Variants in G2E3 observed in about 807,000 individuals in gnomAD.
G2E3 encodes G2/M-phase specific E3 ubiquitin protein ligase, also known as G2/M phase-specific E3 ubiquitin-protein ligase.
In G2E3, 35 loss-of-function variants were observed where a neutral mutation model predicts 92.8. The observed-to-expected ratio is 0.38, with a 90% CI of 0.29 to 0.50. The LOEUF is 0.50. Ranked by LOEUF, G2E3 falls within the 20% of genes least tolerant of loss-of-function variation. The pLI is 0.94. For missense variants in G2E3, 554 were observed against 823.8 expected (o/e 0.67, Z 4.01); for synonymous variants, 242 against 272.4 (o/e 0.89, Z 1.10).
At chr14:30,591,527 G>T (rs1305133224) in intron 4 of G2E3, among the ~76,000 whole-genome samples, 5 of 152,116 alleles carry the variant, frequency 3.3e-5, no homozygotes, top group South Asian at 2.1e-4. Flanking sequence ...CCTTCTAGAG[G>T]CACTAAGGGA....
chr14:30,586,858 A>AAAGAAGAT (rs1880739393), intron 3 of G2E3, 43 bp downstream of exon 3: 1 of 640,936 alleles, frequency 1.6e-6, no homozygotes, highest in Non-Finnish European at 2.6e-6. Context: ...TTGGTGTTCT[A>AAAGAAGAT]AAGAAGATAG....
Position 30,559,197 on chromosome 14 carries a change from G to T in G2E3, c.-80G>T, listed in dbSNP as rs540289635. The T allele has an allele frequency of 6.6e-6, 1 of 152,556 alleles. No individual in the cohort carries two copies. Among genetic ancestry groups the T allele is most frequent in the African/African-American group, 2.4e-5 (1 of 41,614 alleles). The allele number at this position is 152,556 out of a possible 1,614,324, so 9.5% of individuals were successfully genotyped here. A position where few individuals can be genotyped will look rare whatever the true frequency, so the allele number is the denominator to read the frequency against. On this transcript the variant is annotated 5_prime_UTR_variant, in exon 1 of 15. Transcript: ENST00000206595. ...TGGGCCGTTGAATGTGGCTGCTCGC[G>T]GTCGGCGTGCCCCGACGTACAGCGG...
chr14:30,588,171 AAAG>A (rs1880815338), intron 3 of G2E3, among the ~76,000 whole-genome samples: 1 of 151,436 alleles, frequency 6.6e-6, no homozygotes, highest in Non-Finnish European at 1.5e-5. Flanking sequence ...TTTGCAGTAA[AAAG>A]AAAATCTTTC....
At position 30,583,722 on chromosome 14, in the gene G2E3, C is replaced by T. The variant is rs748706647; in HGVS notation, c.37+2606C>T. On this transcript the variant is annotated intron_variant, in intron 2 of 14. Coordinates refer to ENST00000206595, the MANE Select transcript of G2E3 (RefSeq NM_017769.5). ...TGATAATTAGCTCCATTTAGCTGTTCCACAATATGTACATATATCAAAACA... is the reference window on the plus strand; with the variant it reads ...TGATAATTAGCTCCATTTAGCTGTTTCACAATATGTACATATATCAAAACA... Among the ~76,000 whole-genome samples, 96 of 152,188 alleles carry T rather than the reference C, an allele frequency of 6.3e-4. 2 individuals carry two copies. Among genetic ancestry groups the T allele is most frequent in the South Asian group, 6.2e-4 (3 of 4,826 alleles).
At chr14:30,606,732 T>A (rs1031229730) in intron 11 of G2E3, among the ~76,000 whole-genome samples, 3 of 152,134 alleles carry the variant, frequency 2.0e-5, no homozygotes, top group African/African-American at 7.2e-5. Context: ...GCTTGTAAGG[T>A]TATTACACAG....
intron 1 of G2E3, among the ~76,000 whole-genome samples, chr14:30,568,576 T>C (rs778484851): frequency 3.3e-5 from 5 of 152,152 alleles, no homozygotes; most frequent in Non-Finnish European, 7.4e-5. Context: ...GTTATATTCT[T>C]AGTGGCTATC....
chr14:30,577,061 C>G (rs141973775), intron 1 of G2E3, among the ~76,000 whole-genome samples: 3 of 151,756 alleles, frequency 2.0e-5, no homozygotes, highest in African/African-American at 7.3e-5. Flanking sequence ...CCCGTCTGTA[C>G]TAAAAATACA....
intron 1 of G2E3, among the ~76,000 whole-genome samples, chr14:30,575,079 C>A (rs1017876233): frequency 2.0e-5 from 3 of 152,110 alleles, no homozygotes; most frequent in African/African-American, 4.8e-5. Flanking sequence ...CAACCTTACC[C>A]GCATCTGTTA....
intron 2 of G2E3, among the ~76,000 whole-genome samples, chr14:30,585,138 G>T (rs551920972): frequency 6.6e-5 from 10 of 152,090 alleles, no homozygotes; most frequent in African/African-American, 2.4e-4. Context: ...CCAGACAATA[G>T]TGTCCTTTGA....
intron 5 of G2E3, 106 bp downstream of exon 5, chr14:30,592,553 G>T (rs1393404310): frequency 2.0e-5 from 17 of 842,504 alleles, no homozygotes; most frequent in Non-Finnish European, 2.7e-5. Context: ...TAGAGCATCA[G>T]AGTTTAGATA....
intron 1 of G2E3, among the ~76,000 whole-genome samples, chr14:30,561,252 C>T (rs1483124236): frequency 6.6e-6 from 1 of 152,144 alleles, no homozygotes. Flanking sequence ...AAGAGGGGCT[C>T]GGTAATTTGT....
chr14:30,583,262 G>C (rs552573189), intron 2 of G2E3, among the ~76,000 whole-genome samples: 1 of 152,252 alleles, frequency 6.6e-6, no homozygotes, highest in Admixed American at 6.5e-5. Context: ...GAAAAGATTA[G>C]TTATTATACT....
chr14:30,600,218 T>C (rs1262256162), intron 8 of G2E3, among the ~76,000 whole-genome samples: 1 of 152,212 alleles, frequency 6.6e-6, no homozygotes, highest in Non-Finnish European at 1.5e-5. Flanking sequence ...ACTACTTAAT[T>C]GTGAAGATTC....
intron 6 of G2E3, among the ~76,000 whole-genome samples, chr14:30,596,892 A>T (rs1594496069): frequency 6.6e-6 from 1 of 152,362 alleles, no homozygotes; most frequent in East Asian, 1.9e-4. Flanking sequence ...TCTTTCCAGT[A>T]GGCTTACAGT....
intron 13 of G2E3, among the ~76,000 whole-genome samples, 166 bp from the exon 14 acceptor site, chr14:30,615,183 T>G (rs1882255438): frequency 6.6e-6 from 1 of 152,212 alleles, no homozygotes; most frequent in African/African-American, 2.4e-5. Flanking sequence ...CTTCTCTTTT[T>G]CCTCACATCT....
At chr14:30,611,394 A>C (rs1882080179) in intron 12 of G2E3, 1 of 152,234 alleles carries the variant, frequency 6.6e-6, no homozygotes, top group Non-Finnish European at 1.5e-5. Context: ...ATCTCTAAGA[A>C]TGTTTTAGGA....
chr14:30,580,901 A>T, intron 1 of G2E3, 175 bp from the exon 2 acceptor site: 1 of 555,108 alleles, frequency 1.8e-6, no homozygotes, highest in Non-Finnish European at 3.3e-6. Flanking sequence ...AATGTTCCCG[A>T]CTCTTAACAC....
At position 30,617,250 on chromosome 14, in the gene G2E3, CA is replaced by C. The variant is rs1882354782; in HGVS notation, c.*717del. 6.6e-6 allele frequency: 1 copy of C among 150,938 alleles called. No individual in the cohort carries two copies. The highest frequency in any genetic ancestry group is 1.5e-5 in the Non-Finnish European group (1 of 67,670). 9.3% of individuals were successfully genotyped at this position (150,938 alleles called of 1,614,324 possible). A position where few individuals can be genotyped will look rare whatever the true frequency, so the allele number is the denominator to read the frequency against. On this transcript the variant is annotated 3_prime_UTR_variant, in exon 15 of 15. Coordinates refer to ENST00000206595, the MANE Select transcript of G2E3 (RefSeq NM_017769.5). ...CAGCCTGGCAATGTAGCAAAGACTC[CA>C]TCTCAAAAAAAAAAACAGAATTGCA...
In G2E3 at chr14:30,589,412, CAAA is replaced by C; in HGVS notation, c.166_168del (p.Lys56del). On this transcript the variant is annotated inframe_deletion, in exon 4 of 15. Coordinates refer to ENST00000206595, the MANE Select transcript of G2E3 (RefSeq NM_017769.5). Reference sequence around the variant, plus strand: ...TGTCAAGTGGAATTTGGCAGAGAGGCAAAGAAGAAGAAGGAGTTTATGGTTTTC... The same window carrying C: ...TGTCAAGTGGAATTTGGCAGAGAGGCGAAGAAGAAGGAGTTTATGGTTTTC... 1.2e-6 allele frequency: 2 copies of C among 1,602,824 alleles called. No homozygotes were observed. The highest frequency in any genetic ancestry group is 1.7e-6 in the Non-Finnish European group (2 of 1,170,808).
Sources: gnomAD v4.1 joint callset for allele counts (sites outside exome capture counted in the v4.1 genomes callset) on GRCh38, gnomAD v4.1.1 for gene constraint, MANE v1.5 for transcripts, NCBI Gene and HGNC (gene_info 2026-07-23, HGNC 2026-07-21) for gene names.